AMPH: variants seen among roughly 807,000 people sequenced by gnomAD.
AMPH encodes the protein amphiphysin (Stiff-Mann syndrome with breast cancer 128kD autoantigen).
Under a neutral mutation model 99.1 loss-of-function variants are expected in AMPH, and 49 were observed. That is an observed-to-expected ratio of 0.49 (90% CI 0.39 to 0.63). The LOEUF is 0.63. Ranked by LOEUF, AMPH falls within the 20% of genes least tolerant of loss-of-function variation. The probability of loss-of-function intolerance (pLI) is 0.00; values close to 1 mark genes in which losing one functional copy is unlikely to be tolerated. For synonymous variants in AMPH, 314 were observed against 317.3 expected (o/e 0.99, Z 0.11); for missense variants, 759 against 863.4 (o/e 0.88, Z 1.52).
At chr7:38,406,719 T>TCCCC (rs200108617) in intron 17 of AMPH, among the ~76,000 whole-genome samples, 6 of 117,830 alleles carry the variant, frequency 5.1e-5, no homozygotes, top group Non-Finnish European at 1.1e-4. Context: ...CTCTCCTCTC[T>TCCCC]CTCTCCCTTT....
At chr7:38,570,958 A>ATT (rs1562834235) in intron 1 of AMPH, among the ~76,000 whole-genome samples, 10 of 65,650 alleles carry the variant, frequency 1.5e-4, no homozygotes, top group Admixed American at 4.3e-4. Context: ...TATATATAGA[A>ATT]TATATATATA....
Position 38,427,648 on chromosome 7 carries a change from G to T in AMPH, c.1183-662C>A, listed in dbSNP as rs200012726. ...TTTTGTTGTTGTTGTTGATGCTGCT[G>T]CTTTTTTTTTTTTTTGGTCAACCTA... On this transcript the variant is annotated intron_variant, in intron 14 of 20. Transcript: ENST00000356264. Among the ~76,000 whole-genome samples, 74 of 12,884 alleles carry T rather than the reference G, an allele frequency of 5.7e-3. 2 individuals are homozygous for T. The East Asian group carries it at 0.07, about 12-fold the overall frequency. The allele number at this position is 12,884 out of a possible 152,430, so 8.5% of individuals were successfully genotyped here.
chr7:38,400,656 G>A (rs1784815885), intron 17 of AMPH, among the ~76,000 whole-genome samples: 1 of 152,212 alleles, frequency 6.6e-6, no homozygotes, highest in Non-Finnish European at 1.5e-5. Context: ...TGTCAGAGTA[G>A]TGATAGGCTC....
chr7:38,593,820 C>T (rs1455763553), intron 1 of AMPH, among the ~76,000 whole-genome samples: 1 of 152,108 alleles, frequency 6.6e-6, no homozygotes, highest in Non-Finnish European at 1.5e-5. Flanking sequence ...ACACATAGTG[C>T]GTGAGATGAT....
At chr7:38,625,015 C>T (rs1411853005) in intron 1 of AMPH, among the ~76,000 whole-genome samples, 2 of 152,100 alleles carry the variant, frequency 1.3e-5, no homozygotes, top group South Asian at 2.1e-4. Flanking sequence ...CACACAGTTA[C>T]ACACACAAAC....
chr7:38,400,920 TA>T (rs1047488335), intron 17 of AMPH, among the ~76,000 whole-genome samples: 16 of 152,260 alleles, frequency 1.1e-4, no homozygotes, highest in Admixed American at 9.8e-4. Flanking sequence ...ATAAAGCAAT[TA>T]AAAAATTTTT....
chr7:38,416,102 AATAT>A lies in AMPH; in HGVS notation c.1398+1719_1398+1722del, dbSNP rs5883648. Among the ~76,000 whole-genome samples, 927 of 100,358 alleles carry A rather than the reference AATAT, an allele frequency of 9.2e-3. 59 individuals carry two copies. Among genetic ancestry groups the A allele is most frequent in the African/African-American group, 0.026 (721 of 27,866 alleles). The allele number at this position is 100,358 out of a possible 152,430, so 65.8% of individuals were successfully genotyped here. ...AGTTTAAACAATGATCAAACATATG[AATAT>A]ATATATATATATATATATATTAGCT... On this transcript the variant is annotated intron_variant, in intron 17 of 20. Transcript: ENST00000356264.
chr7:38,402,716 C>T (rs555121376), intron 17 of AMPH, among the ~76,000 whole-genome samples: 1 of 152,298 alleles, frequency 6.6e-6, no homozygotes, highest in Non-Finnish European at 1.5e-5. Context: ...TGTCTCTGAT[C>T]GAGGGTGGAG....
chr7:38,391,307 C>T (rs1784486406), intron 19 of AMPH, among the ~76,000 whole-genome samples: 1 of 152,048 alleles, frequency 6.6e-6, no homozygotes, highest in South Asian at 2.1e-4. Context: ...ATTAATTTAC[C>T]AAATATTTAT....
At chr7:38,573,184 G>T (rs987925123) in intron 1 of AMPH, among the ~76,000 whole-genome samples, 1 of 152,100 alleles carries the variant, frequency 6.6e-6, no homozygotes, top group Non-Finnish European at 1.5e-5. Context: ...GTGGACACTG[G>T]GCTGTGGCAC....
intron 2 of AMPH, among the ~76,000 whole-genome samples, chr7:38,523,406 A>G (rs60732989): frequency 0.27 from 41,214 of 151,982 alleles, 5,841 homozygotes; most frequent in Non-Finnish European, 0.31. Context: ...ATTCCAAGCT[A>G]TTTTGGCAAG....
chr7:38,458,993 C>G (rs1411250574), intron 11 of AMPH, among the ~76,000 whole-genome samples: 1 of 151,888 alleles, frequency 6.6e-6, no homozygotes, highest in Non-Finnish European at 1.5e-5. Flanking sequence ...CAAAAAAAAC[C>G]TCCTAAATTT....
intron 1 of AMPH, among the ~76,000 whole-genome samples, chr7:38,565,773 A>C (rs891452807): frequency 4.6e-5 from 7 of 152,258 alleles, no homozygotes; most frequent in African/African-American, 1.7e-4. Flanking sequence ...GCTGAGCTGC[A>C]AGAGTTCCGG....
intron 7 of AMPH, among the ~76,000 whole-genome samples, chr7:38,470,262 C>A (rs1787831134): frequency 6.6e-6 from 1 of 152,156 alleles, no homozygotes; most frequent in African/African-American, 2.4e-5. Context: ...ATACCAGCTG[C>A]CACAATTCCT....
chr7:38,534,452 C>T (rs1000511219), intron 2 of AMPH, among the ~76,000 whole-genome samples: 7 of 152,090 alleles, frequency 4.6e-5, no homozygotes, highest in African/African-American at 1.2e-4. Context: ...GTGGGTGGAT[C>T]GCTCGAGTCC....
At chr7:38,410,260 C>G (rs1464025221) in intron 17 of AMPH, among the ~76,000 whole-genome samples, 1 of 152,208 alleles carries the variant, frequency 6.6e-6, no homozygotes, top group Non-Finnish European at 1.5e-5. Flanking sequence ...GACTGAGAAA[C>G]AGTGATCTGC....
chr7:38,521,317 T>C (rs1313511168), intron 2 of AMPH, among the ~76,000 whole-genome samples: 2 of 152,056 alleles, frequency 1.3e-5, no homozygotes, highest in Non-Finnish European at 2.9e-5. Context: ...AGGTCAGAGG[T>C]TCGAGACCAG....
At chr7:38,593,968 C>T (rs925380158) in intron 1 of AMPH, among the ~76,000 whole-genome samples, 6 of 152,046 alleles carry the variant, frequency 3.9e-5, no homozygotes, top group Admixed American at 1.3e-4. Context: ...ATGGCGAGAG[C>T]GGTGGGTTTA....
intron 17 of AMPH, among the ~76,000 whole-genome samples, chr7:38,398,225 G>A (rs1169822324): frequency 2.0e-5 from 3 of 147,942 alleles, no homozygotes; most frequent in African/African-American, 7.5e-5. Context: ...AATATATCAA[G>A]GAGGTATCTG....
Sources: gnomAD v4.1 joint callset for allele counts (sites outside exome capture counted in the v4.1 genomes callset) on GRCh38, gnomAD v4.1.1 for gene constraint, MANE v1.5 for transcripts, NCBI Gene and HGNC (gene_info 2026-07-23, HGNC 2026-07-21) for gene names.